ADARB1: variants seen among roughly 807,000 people sequenced by gnomAD.
ADARB1 encodes adenosine deaminase RNA specific B1.
A neutral mutation model predicts 52.4 loss-of-function variants in ADARB1; 10 were observed. The ratio of observed to expected loss-of-function variants is 0.19; its 90% CI spans 0.12 to 0.32. The LOEUF (loss-of-function observed/expected upper bound fraction) is 0.32. ADARB1 is among the 10% of genes least tolerant of loss of function. ADARB1 has a pLI of 1.00. For synonymous variants in ADARB1, 349 were observed against 371.1 expected, an observed-to-expected ratio of 0.94 and a Z score of 0.68; for missense variants, 643 against 922.3, an observed-to-expected ratio of 0.70 and a Z score of 3.92.
Position 45,225,422 on chromosome 21 carries a change from C to T in ADARB1, c.*3225C>T, listed in dbSNP as rs2146493909. 7.7e-7 allele frequency: 1 copy of T among 1,300,018 alleles called. No individual in the cohort carries two copies. Among genetic ancestry groups the T allele is most frequent in the South Asian group, 3.2e-5 (1 of 31,202 alleles). The allele number at this position is 1,300,018 out of a possible 1,614,324, so 80.5% of individuals were successfully genotyped here. ...AGCAATTATTTTAAAATGTGCAAGC[C>T]AGTATCTCACAAGGCATGGATTTCT... On this transcript the variant is annotated 3_prime_UTR_variant, in exon 11 of 11. Coordinates refer to ENST00000348831, the MANE Select transcript of ADARB1 (RefSeq NM_001112.4).
chr21:45,157,519 G>T lies in ADARB1; in HGVS notation c.-47-14091G>T, dbSNP rs2090725735. On this transcript the variant is annotated intron_variant, in intron 2 of 10. Transcript: ENST00000348831. The surrounding 1 kb of genome is among the most constrained non-coding windows in gnomAD (Gnocchi z 4.1). ...TTCACGAAGGCAGGGCCCTGTGAAG[G>T]TTTGTGCTCTCGTGTGCCGGCTCTG... 6.6e-6 allele frequency among the ~76,000 whole-genome samples: 1 copy of T among 152,150 alleles called. No individual in the cohort carries two copies. The highest frequency in any genetic ancestry group is 6.5e-5 in the Admixed American group (1 of 15,274).
At chr21:45,168,863 C>T (rs1400140832) in intron 2 of ADARB1, among the ~76,000 whole-genome samples, 1 of 152,016 alleles carries the variant, frequency 6.6e-6, no homozygotes, top group East Asian at 1.9e-4. Context: ...TTCTGTTTCT[C>T]GATGTGACAA....
intron 1 of ADARB1, among the ~76,000 whole-genome samples, chr21:45,094,481 T>C (rs1457919056): frequency 1.3e-5 from 2 of 152,196 alleles, no homozygotes; most frequent in Non-Finnish European, 2.9e-5. Context: ...ATTTGGTTGT[T>C]TTGGCACCAC....
At chr21:45,165,614 G>A (rs2091222284) in intron 2 of ADARB1, among the ~76,000 whole-genome samples, 1 of 152,218 alleles carries the variant, frequency 6.6e-6, no homozygotes, top group African/African-American at 2.4e-5. Flanking sequence ...TATAAATTAT[G>A]AGGTGAAGTG....
At chr21:45,139,434 G>GT (rs1333881607) in intron 2 of ADARB1, among the ~76,000 whole-genome samples, 2 of 151,928 alleles carry the variant, frequency 1.3e-5, no homozygotes, top group Non-Finnish European at 2.9e-5. Context: ...TTTTGGTTCC[G>GT]TTTTCTCTTT....
chr21:45,121,841 C>T lies in ADARB1; in HGVS notation c.-219-6561C>T, dbSNP rs113409414. 3.4e-3 allele frequency among the ~76,000 whole-genome samples: 525 copies of T among 152,240 alleles called. 4 individuals carry two copies. The highest frequency in any genetic ancestry group is 0.011 in the African/African-American group (471 of 41,528). ...TCTCCTTTAGCCGTTGTTTTCTGTACGTATATGGTGTGTTTGACTTTTCCA... is the reference window on the plus strand; with the variant it reads ...TCTCCTTTAGCCGTTGTTTTCTGTATGTATATGGTGTGTTTGACTTTTCCA... On this transcript the variant is annotated intron_variant, in intron 1 of 10. Transcript: ENST00000348831.
intron 2 of ADARB1, among the ~76,000 whole-genome samples, chr21:45,147,623 G>C (rs925721771): frequency 6.6e-6 from 1 of 152,148 alleles, no homozygotes. Context: ...CTCAGGCCAG[G>C]CCCCCGGGGG....
At chr21:45,099,849 T>A (rs2123724204) in intron 1 of ADARB1, among the ~76,000 whole-genome samples, 1 of 152,280 alleles carries the variant, frequency 6.6e-6, no homozygotes, top group South Asian at 2.1e-4. Context: ...GTGGGGGCCC[T>A]GAAGCCCTCC....
chr21:45,208,816 C>T lies in ADARB1; in HGVS notation c.1747+4080C>T, dbSNP rs2092715831. 6.6e-6 allele frequency among the ~76,000 whole-genome samples: 1 copy of T among 152,058 alleles called. No individual in the cohort carries two copies. The highest frequency in any genetic ancestry group is 2.4e-5 in the African/African-American group (1 of 41,388). ...AGGTGTCAGTAATGTGAGTTTCCTC[C>T]TTGCCCTGGTTTCTAGGAGGAGTGA... On this transcript the variant is annotated intron_variant, in intron 9 of 10. Coordinates refer to ENST00000348831, the MANE Select transcript of ADARB1 (RefSeq NM_001112.4). The surrounding 1 kb of genome is among the most constrained non-coding windows in gnomAD (Gnocchi z 5.6).
chr21:45,163,208 G>C (rs1289169388), intron 2 of ADARB1, among the ~76,000 whole-genome samples: 3 of 152,210 alleles, frequency 2.0e-5, no homozygotes, highest in Non-Finnish European at 4.4e-5. Context: ...AAATATTTCT[G>C]ATTTAAGGAC....
chr21:45,174,704 TA>T (rs2091622285), intron 3 of ADARB1, among the ~76,000 whole-genome samples: 1 of 151,922 alleles, frequency 6.6e-6, no homozygotes, highest in Non-Finnish European at 1.5e-5. Context: ...CATACATACA[TA>T]CATACATACA....
At chr21:45,192,551 A>G (rs2092327483) in intron 8 of ADARB1, among the ~76,000 whole-genome samples, 1 of 152,140 alleles carries the variant, frequency 6.6e-6, no homozygotes, top group Non-Finnish European at 1.5e-5. Flanking sequence ...GGTGGCAGCC[A>G]CCATGTGAGA....
chr21:45,113,443 C>CTA (rs1264493331), intron 1 of ADARB1, among the ~76,000 whole-genome samples: 55 of 148,282 alleles, frequency 3.7e-4, no homozygotes, highest in Middle Eastern at 3.5e-3. Context: ...CAAAACAAAA[C>CTA]TATATATATA....
intron 2 of ADARB1, among the ~76,000 whole-genome samples, chr21:45,143,167 T>TC (rs1382435688): frequency 6.6e-6 from 1 of 152,152 alleles, no homozygotes. Context: ...CCCTGCTTCT[T>TC]CCTCTCCTAA....
chr21:45,137,040 T>C (rs1049860861), intron 2 of ADARB1: 1 of 152,212 alleles, frequency 6.6e-6, no homozygotes, highest in African/African-American at 2.4e-5. Flanking sequence ...TGTAAAATCA[T>C]AAATATCTGA....
At chr21:45,120,345 A>T (rs151120423) in intron 1 of ADARB1, among the ~76,000 whole-genome samples, 2 of 152,310 alleles carry the variant, frequency 1.3e-5, no homozygotes, top group African/African-American at 4.8e-5. Context: ...TCGTTAGAAA[A>T]ATTCATCTGT....
chr21:45,092,302 G>C (rs1173477565), intron 1 of ADARB1, among the ~76,000 whole-genome samples: 7 of 152,354 alleles, frequency 4.6e-5, no homozygotes, highest in Non-Finnish European at 1.0e-4. Flanking sequence ...TGAGGATGGA[G>C]AAAAATCTGT....
chr21:45,156,226 CCCATCA>C (rs2090604942), intron 2 of ADARB1, among the ~76,000 whole-genome samples: 1 of 150,248 alleles, frequency 6.7e-6, no homozygotes, highest in African/African-American at 2.4e-5. Context: ...CACCCACCCA[CCCATCA>C]TCACCCATCA....
intron 1 of ADARB1, among the ~76,000 whole-genome samples, chr21:45,112,514 G>A (rs900834959): frequency 6.6e-6 from 1 of 151,922 alleles, no homozygotes; most frequent in Non-Finnish European, 1.5e-5. Context: ...TCCTCTCGGT[G>A]TGTATCTCTG....
Sources: allele counts gnomAD v4.1 joint callset (sites outside exome capture counted in the v4.1 genomes callset), GRCh38; gene constraint gnomAD v4.1.1; non-coding constraint Gnocchi (gnomAD v3.1); transcripts MANE v1.5; gene names NCBI Gene and HGNC (gene_info 2026-07-23, HGNC 2026-07-21).